TOR1AIP2: variants seen among roughly 807,000 people sequenced by gnomAD.
The protein encoded by TOR1AIP2 is torsin-1A-interacting protein 2.
Under a neutral mutation model 32.6 loss-of-function variants are expected in TOR1AIP2, and 20 were observed. The observed-to-expected ratio is 0.61, with a 90% CI of 0.43 to 0.89. The LOEUF (loss-of-function observed/expected upper bound fraction) is 0.89, where lower values mean the gene tolerates loss of function less well. Among genes scored for constraint, TOR1AIP2 ranks in the 40% least tolerant of loss-of-function variants. The pLI, the probability that TOR1AIP2 is intolerant of heterozygous loss-of-function variation, is 0.00. For missense variants in TOR1AIP2, 456 were observed against 553.8 expected (o/e 0.82, Z 1.77); for synonymous variants, 214 against 210.8 (o/e 1.02, Z -0.13).
chr1:179,847,511 C>A (rs373687923), intron 6 of TOR1AIP2, 24 bp downstream of exon 6: 30 of 1,473,828 alleles, frequency 2.0e-5, no homozygotes, highest in Non-Finnish European at 2.3e-5. Context: ...ATCAACACTG[C>A]AGTAAAACCA....
rs1419876647 is a variant in TOR1AIP2 at position 179,844,378 on chromosome 1, A to G, written c.*1693T>C. On this transcript the variant is annotated 3_prime_UTR_variant, in exon 7 of 7. Transcript: ENST00000609928. ...TTTAGGTATCAGTAAAGATCCCTGTATCTTCTTAGTGTTTCCTAAAATCTT... is the reference window on the plus strand; with the variant it reads ...TTTAGGTATCAGTAAAGATCCCTGTGTCTTCTTAGTGTTTCCTAAAATCTT... 1 of 152,192 alleles carries G rather than the reference A, an allele frequency of 6.6e-6. No homozygotes were observed. The highest frequency in any genetic ancestry group is 1.5e-5 in the Non-Finnish European group (1 of 68,032). The allele number at this position is 152,192 out of a possible 1,614,324, so 9.4% of individuals were successfully genotyped here.
chr1:179,867,356 T>A (rs562519146), intron 2 of TOR1AIP2, among the ~76,000 whole-genome samples: 1 of 152,302 alleles, frequency 6.6e-6, no homozygotes, highest in East Asian at 1.9e-4. Flanking sequence ...TCCGACTCAA[T>A]GACTAGATAC....
chr1:179,870,837 T>A (rs142074024), intron 2 of TOR1AIP2, among the ~76,000 whole-genome samples: 162 of 152,368 alleles, frequency 1.1e-3, no homozygotes, highest in African/African-American at 3.8e-3. Flanking sequence ...TGATTTAAGG[T>A]AAGTATATGA....
At position 179,850,986 on chromosome 1, in the gene TOR1AIP2, C is replaced by T; in HGVS notation, c.412G>A (p.Ala138Thr). 6.2e-7 allele frequency: 1 copy of T among 1,614,158 alleles called. No individual in the cohort carries two copies. The highest frequency in any genetic ancestry group is 8.5e-7 in the Non-Finnish European group (1 of 1,180,016). Residue 138 changes from alanine (A) to threonine (T), a missense_variant, in exon 5 of 7, where the codon GCC (alanine) becomes ACC (threonine). Physicochemically the swap from Ala to Thr is moderately conservative, Grantham distance 58. Coordinates refer to ENST00000609928, the MANE Select transcript of TOR1AIP2 (RefSeq NM_001199260.2). ...CCGTCACTCGCTTCCTTAGGGAGGG[C>T]CACAGAGCTGCTCCCTAAGTGTGCA... is the stretch of plus-strand genomic sequence containing the variant. ...ADAHLGSSSVALPKEASDGTG... is the reference protein window; with the variant it reads ...ADAHLGSSSVTLPKEASDGTG...
At chr1:179,868,295 T>A (rs941148710) in intron 2 of TOR1AIP2, 2 of 152,226 alleles carry the variant, frequency 1.3e-5, no homozygotes, top group Non-Finnish European at 2.9e-5. Context: ...ACCATTTTGC[T>A]ATATTATTTA....
chr1:179,848,627 G>T (rs911349552), intron 5 of TOR1AIP2, among the ~76,000 whole-genome samples: 11 of 152,178 alleles, frequency 7.2e-5, no homozygotes, highest in South Asian at 2.1e-4. Context: ...CTTAACCCCA[G>T]CCAGGTACTT....
rs1695707578 is a variant in TOR1AIP2 at position 179,841,157 on chromosome 1, G to C, written c.*4914C>G. The C allele has an allele frequency of 6.6e-6, 1 of 152,036 alleles. No individual in the cohort carries two copies. Among genetic ancestry groups the C allele is most frequent in the African/African-American group, 2.4e-5 (1 of 41,376 alleles). The allele number at this position is 152,036 out of a possible 1,614,324, so 9.4% of individuals were successfully genotyped here. ...CTTTGCAAATATATTATTCAACCAA[G>C]CATTTGCCATAAAGATAAGCATCAA... On this transcript the variant is annotated 3_prime_UTR_variant, in exon 7 of 7. Transcript: ENST00000609928.
rs1290970446 is a variant in TOR1AIP2, at chr1:179,844,141, G to C, written c.*1930C>G. The C allele has an allele frequency of 6.6e-6, 1 of 152,160 alleles. No homozygotes were observed. The highest frequency in any genetic ancestry group is 1.5e-5 in the Non-Finnish European group (1 of 68,022). The allele number at this position is 152,160 out of a possible 1,614,324, so 9.4% of individuals were successfully genotyped here. A position where few individuals can be genotyped will look rare whatever the true frequency, so the allele number is the denominator to read the frequency against. On this transcript the variant is annotated 3_prime_UTR_variant, in exon 7 of 7. Coordinates refer to ENST00000609928, the MANE Select transcript of TOR1AIP2 (RefSeq NM_001199260.2). ...AACGCTAGCATCTAAGATCTAAAAA[G>C]ACAGAAAAAATGTGCATATGGGATA...
chr1:179,850,732 T>C, intron 5 of TOR1AIP2, 113 bp downstream of exon 5: 1 of 1,346,400 alleles, frequency 7.4e-7, no homozygotes, highest in Non-Finnish European at 1.0e-6. Flanking sequence ...CCAAAGGCCT[T>C]ACTCCTATGA....
At chr1:179,861,414 A>G in intron 3 of TOR1AIP2, 12 of 985,428 alleles carry the variant, frequency 1.2e-5, no homozygotes, top group Non-Finnish European at 1.4e-5. Context: ...GCTCAATTTT[A>G]TGAGCTCTAC....
intron 3 of TOR1AIP2, chr1:179,863,139 T>A: frequency 9.1e-6 from 5 of 548,474 alleles, no homozygotes; most frequent in Non-Finnish European, 9.2e-6. Flanking sequence ...GGCAGGAGAA[T>A]TGCTTGAACC....
At position 179,847,564 on chromosome 1, in the gene TOR1AIP2, T is replaced by C. The variant is rs1448459421; in HGVS notation, c.626A>G (p.Gln209Arg). 1.9e-6 allele frequency: 3 copies of C among 1,614,104 alleles called. No individual in the cohort carries two copies. The highest frequency in any genetic ancestry group is 2.5e-6 in the Non-Finnish European group (3 of 1,179,936). Reference sequence around the variant, plus strand: ...GCTCCAAAAACCCTTTTTATTAATCTGTCTCATGGTGTCCTGTGCATTCTC... The same window carrying C: ...GCTCCAAAAACCCTTTTTATTAATCCGTCTCATGGTGTCCTGTGCATTCTC... ...IKENAQDTMR[Q>R]INKKGFWSYG... The change falls in exon 6 of 7, where the codon CAG (glutamine) becomes CGG (arginine). Residue 209 changes from glutamine to arginine, a missense_variant. By Grantham distance (43) the Gln-to-Arg change is conservative. Coordinates refer to ENST00000609928, the MANE Select transcript of TOR1AIP2 (RefSeq NM_001199260.2).
chr1:179,859,742 T>G (rs1423480780), intron 3 of TOR1AIP2: 40 of 985,350 alleles, frequency 4.1e-5, no homozygotes, highest in Non-Finnish European at 4.8e-5. Context: ...TTTTAATCTT[T>G]ACACCCAAGA....
rs575203897 is a variant in TOR1AIP2 at position 179,843,383 on chromosome 1, G to C, written c.*2688C>G. On this transcript the variant is annotated 3_prime_UTR_variant, in exon 7 of 7. Coordinates refer to ENST00000609928, the MANE Select transcript of TOR1AIP2 (RefSeq NM_001199260.2). ...TAGCTGGGCATTGTGGTGCATGCCT[G>C]TAATCCCAGCTACTTGGGAGGCTGA... 3 of 152,116 alleles carry C rather than the reference G, an allele frequency of 2.0e-5. No individual in the cohort carries two copies. The highest frequency in any genetic ancestry group is 3.9e-4 in the East Asian group (2 of 5,164). The allele number at this position is 152,116 out of a possible 1,614,324, so 9.4% of individuals were successfully genotyped here. A position where few individuals can be genotyped will look rare whatever the true frequency, so the allele number is the denominator to read the frequency against.
chr1:179,861,719 T>C, intron 3 of TOR1AIP2: 6 of 985,378 alleles, frequency 6.1e-6, no homozygotes, highest in African/African-American at 3.5e-5. Flanking sequence ...AATGGTACTA[T>C]CTTGCAGTAC....
intron 3 of TOR1AIP2, chr1:179,860,432 T>C (rs779407563): frequency 2.0e-6 from 2 of 976,198 alleles, no homozygotes; most frequent in Non-Finnish European, 2.4e-6. Flanking sequence ...CAGTGAGCCA[T>C]GATGGCGCCA....
chr1:179,865,148 T>G, intron 3 of TOR1AIP2: 1 of 1,611,610 alleles, frequency 6.2e-7, no homozygotes, highest in Non-Finnish European at 8.5e-7. Flanking sequence ...TTGTCCACAA[T>G]CAGGGCAATG....
At chr1:179,863,710 G>A in intron 3 of TOR1AIP2, 1 of 980,650 alleles carries the variant, frequency 1.0e-6, no homozygotes, top group Non-Finnish European at 1.2e-6. Context: ...AGGATCGCAA[G>A]GGGGAAGGAC....
At chr1:179,852,037 T>C (rs1019488537) in intron 4 of TOR1AIP2, among the ~76,000 whole-genome samples, 10 of 152,152 alleles carry the variant, frequency 6.6e-5, no homozygotes, top group Middle Eastern at 3.2e-3. Context: ...TCCCAGCACT[T>C]TGGGAGGCCA....
Sources: gnomAD v4.1 joint callset for allele counts (sites outside exome capture counted in the v4.1 genomes callset) on GRCh38, gnomAD v4.1.1 for gene constraint, MANE v1.5 for transcripts, NCBI Gene and HGNC (gene_info 2026-07-23, HGNC 2026-07-21) for gene names.